PAPOLA: variants seen among roughly 807,000 people sequenced by gnomAD.
PAPOLA encodes the protein poly(A) polymerase alpha, also known as polynucleotide adenylyltransferase alpha.
In PAPOLA, 15 loss-of-function variants were observed where a neutral mutation model predicts 100.6. The ratio of observed to expected loss-of-function variants is 0.15; its 90% CI spans 0.10 to 0.23. The LOEUF is 0.23. PAPOLA is among the 10% of genes least tolerant of loss of function. The pLI, the probability that PAPOLA is intolerant of heterozygous loss-of-function variation, is 1.00. For missense variants in PAPOLA, 533 were observed against 884.2 expected (o/e 0.60, Z 5.04); for synonymous variants, 293 against 300.0 (o/e 0.98, Z 0.24).
Position 96,520,074 on chromosome 14 carries a change from T to G in PAPOLA, c.28T>G (p.Ser10Ala). 1 of 1,612,226 alleles carries G rather than the reference T, an allele frequency of 6.2e-7. No homozygotes were observed. The highest frequency in any genetic ancestry group is 8.5e-7 in the Non-Finnish European group (1 of 1,179,418). Reference sequence around the variant, plus strand: ...TTATAGTCCAGTTACAACACAGGGATCACAACAAACACAACCGCCACAGAA... The same window carrying G: ...TTATAGTCCAGTTACAACACAGGGAGCACAACAAACACAACCGCCACAGAA... MPFPVTTQG[S>A]QQTQPPQKHY... Residue 10 changes from serine (S) to alanine (A), a missense_variant, in exon 2 of 22, where the codon TCA becomes GCA. Ser to Ala is a moderately conservative substitution (Grantham distance 99). This residue lies in a region of PAPOLA where 48 missense variants were observed against 52.3 expected (regional missense o/e 0.92). Transcript: ENST00000216277.
intron 19 of PAPOLA, among the ~76,000 whole-genome samples, chr14:96,556,904 A>G (rs1162611375): frequency 6.6e-6 from 1 of 152,132 alleles, no homozygotes; most frequent in Non-Finnish European, 1.5e-5. Flanking sequence ...TAGTTTTTGA[A>G]CCTTAAATGG....
At chr14:96,530,544 T>C (rs1852729777) in intron 6 of PAPOLA, among the ~76,000 whole-genome samples, 1 of 151,966 alleles carries the variant, frequency 6.6e-6, no homozygotes, top group South Asian at 2.1e-4. Flanking sequence ...CTTGTCACCA[T>C]GCCTGGCTAA....
At chr14:96,541,991 T>A (rs1900032732) in intron 12 of PAPOLA, 1 of 275,318 alleles carries the variant, frequency 3.6e-6, no homozygotes, top group Non-Finnish European at 6.8e-6. Flanking sequence ...AATGCTTATT[T>A]ATGCTTCTTG....
At chr14:96,536,046 T>A in intron 11 of PAPOLA, 47 bp downstream of exon 11, 2 of 1,452,546 alleles carry the variant, frequency 1.4e-6, no homozygotes, top group Non-Finnish European at 1.8e-6. Context: ...AGGATTTACG[T>A]ACCATTGTAG....
chr14:96,560,836 G>A, intron 20 of PAPOLA, 125 bp downstream of exon 20: 1 of 626,512 alleles, frequency 1.6e-6, no homozygotes, highest in Non-Finnish European at 2.8e-6. Flanking sequence ...GTTTATTACT[G>A]TTAATTATGT....
At chr14:96,536,075 C>G (rs1595533495) in intron 11 of PAPOLA, 76 bp downstream of exon 11, 1 of 1,103,586 alleles carries the variant, frequency 9.1e-7, no homozygotes, top group Admixed American at 2.9e-5. Flanking sequence ...GTCAGCTGTG[C>G]AACTTAAATT....
At chr14:96,560,386 C>T in intron 19 of PAPOLA, 9 of 295,428 alleles carry the variant, frequency 3.0e-5, no homozygotes, top group South Asian at 7.8e-5. Flanking sequence ...TCTATGAACT[C>T]TTAGTGGTTT....
At chr14:96,524,947 C>T (rs895423730) in intron 3 of PAPOLA, among the ~76,000 whole-genome samples, 1 of 152,164 alleles carries the variant, frequency 6.6e-6, no homozygotes, top group African/African-American at 2.4e-5. Context: ...TTATTATACT[C>T]TAAATTGGTG....
chr14:96,527,265 C>T, intron 4 of PAPOLA, 165 bp from the exon 5 acceptor site: 1 of 579,298 alleles, frequency 1.7e-6, no homozygotes, highest in East Asian at 2.9e-5. Flanking sequence ...CAATTAAAAT[C>T]ATGTTTGTCC....
At chr14:96,542,629 T>C (rs1383016757) in intron 13 of PAPOLA, 145 bp from the exon 14 acceptor site, 1 of 718,184 alleles carries the variant, frequency 1.4e-6, no homozygotes, top group Non-Finnish European at 2.2e-6. Context: ...TTTTCCCCGT[T>C]GTTTGGCAAT....
intron 3 of PAPOLA, among the ~76,000 whole-genome samples, chr14:96,522,116 CTTTTTTTTTTTT>C (rs754167531): frequency 5.2e-5 from 3 of 57,842 alleles, no homozygotes; most frequent in Non-Finnish European, 6.4e-5. Context: ...TTCTTTCTTT[CTTTTTTTTTTTT>C]TTTTTTTTTT....
At chr14:96,562,628 T>G in intron 20 of PAPOLA, 191 bp from the exon 21 acceptor site, 1 of 398,490 alleles carries the variant, frequency 2.5e-6, no homozygotes, top group Non-Finnish European at 4.6e-6. Context: ...AAATAGAAAT[T>G]TATTAATATC....
chr14:96,553,315 CCAGCCTGGG>C (rs1162285986), intron 17 of PAPOLA: 1 of 152,466 alleles, frequency 6.6e-6, no homozygotes, highest in Non-Finnish European at 1.5e-5. Flanking sequence ...GAGTTCAAGA[CCAGCCTGGG>C]CAACGTAGTG....
rs550242972 is a variant in PAPOLA, at chr14:96,549,749, A to G, written c.1521+1831A>G. ...GCTAGAGCTTAGCCTCAGGAAAACA[A>G]AACTAAAATATCAAGTTAAACACTT... On this transcript the variant is annotated intron_variant, in intron 16 of 21. Transcript: ENST00000216277. Among the ~76,000 whole-genome samples the G allele has an allele frequency of 5.3e-5, 8 of 152,332 alleles. No individual in the cohort carries two copies. In the South Asian group the frequency reaches 1.4e-3, roughly 28 times the overall value.
chr14:96,542,731 G>C, intron 13 of PAPOLA, 43 bp from the exon 14 acceptor site: 1 of 1,561,556 alleles, frequency 6.4e-7, no homozygotes, highest in Non-Finnish European at 8.6e-7. Flanking sequence ...TTATTTTTAA[G>C]TTAACCAAAA....
In PAPOLA at chr14:96,544,212, C is replaced by T. The variant is rs1168970830; in HGVS notation, c.1353C>T (p.Asn451=). Residue 451 remains asparagine, a synonymous_variant, in exon 15 of 22, where the codon AAC becomes AAT. Transcript: ENST00000216277. ...LVFKKTENSE[N]LSVDLTYDIQ... Reference sequence around the variant, plus strand: ...TTAAAAAAACAGAAAACTCTGAAAACCTCAGTGTTGATCTCACCTATGATA... The same window carrying T: ...TTAAAAAAACAGAAAACTCTGAAAATCTCAGTGTTGATCTCACCTATGATA... 1 of 1,607,528 alleles carries T rather than the reference C, an allele frequency of 6.2e-7. No homozygotes were observed. The highest frequency in any genetic ancestry group is 1.7e-5 in the Admixed American group (1 of 59,920).
At chr14:96,554,577 G>C (rs558575164) in intron 17 of PAPOLA, among the ~76,000 whole-genome samples, 1 of 152,160 alleles carries the variant, frequency 6.6e-6, no homozygotes, top group East Asian at 1.9e-4. Flanking sequence ...CAGTTTCAGA[G>C]TGTGGGTGAT....
chr14:96,557,179 G>C (rs1428461010), intron 19 of PAPOLA, among the ~76,000 whole-genome samples: 1 of 152,060 alleles, frequency 6.6e-6, no homozygotes, highest in Non-Finnish European at 1.5e-5. Context: ...CCAAGTAGCT[G>C]GGACTACAGG....
Position 96,535,902 on chromosome 14 carries a change from T to C in PAPOLA, c.933T>C (p.His311=). The stretch of plus-strand genomic sequence containing the variant: ...AGGTAAACCCCAGTGATAGGTACCA[T>C]CTTATGCCTATAATTACACCAGCAT... ...DPRVNPSDRY[H]LMPIITPAYP... is the part of the protein sequence containing the mutation. Residue 311 remains histidine, a synonymous_variant, in exon 11 of 22, where the codon CAT becomes CAC. Transcript: ENST00000216277. 1 of 1,604,646 alleles carries C rather than the reference T, an allele frequency of 6.2e-7. No individual in the cohort carries two copies. Among genetic ancestry groups the C allele is most frequent in the Non-Finnish European group, 8.5e-7 (1 of 1,175,032 alleles).
Sources: gnomAD v4.1 joint callset for allele counts (sites outside exome capture counted in the v4.1 genomes callset) on GRCh38, gnomAD v4.1.1 for gene constraint, gnomAD v4.1.1 regional missense constraint, MANE v1.5 for transcripts, NCBI Gene and HGNC (gene_info 2026-07-23, HGNC 2026-07-21) for gene names.